Variants in GSE1 observed in about 807,000 individuals in gnomAD.
GSE1 encodes genetic suppressor element 1.
In GSE1, 32 loss-of-function variants were observed where a neutral mutation model predicts 112.6. The observed-to-expected ratio is 0.28, with a 90% CI of 0.21 to 0.38. The LOEUF (loss-of-function observed/expected upper bound fraction) is 0.38, where lower values mean the gene tolerates loss of function less well. Ranked by LOEUF, GSE1 falls within the 10% of genes least tolerant of loss-of-function variation. The pLI is 1.00. For missense variants in GSE1, 2,348 were observed against 1,699.2 expected (o/e 1.38, Z -6.71); for synonymous variants, 1,115 against 735.6 (o/e 1.52, Z -8.35).
At chr16:85,454,018 C>T (rs1441524239) in intron 2 of GSE1, among the ~76,000 whole-genome samples, 1 of 152,184 alleles carries the variant, frequency 6.6e-6, no homozygotes, top group East Asian at 1.9e-4. Context: ...CCCCCGCCCC[C>T]TGCCCCACGG....
chr16:85,358,088 G>C (rs2151573119), intron 2 of GSE1, among the ~76,000 whole-genome samples: 1 of 152,276 alleles, frequency 6.6e-6, no homozygotes, highest in Non-Finnish European at 1.5e-5. Context: ...TCTGTGCGGG[G>C]AGATGGCGCT....
chr16:85,411,394 G>A (rs867854316), intron 2 of GSE1, among the ~76,000 whole-genome samples: 162 of 9,042 alleles, frequency 0.018, 7 homozygotes, highest in Middle Eastern at 0.1. Flanking sequence ...AATCCTCACC[G>A]TTACACTCAG....
chr16:85,368,874 G>T (rs904468702), intron 2 of GSE1, among the ~76,000 whole-genome samples: 1 of 152,122 alleles, frequency 6.6e-6, no homozygotes, highest in Non-Finnish European at 1.5e-5. Flanking sequence ...CCTCCCTAGG[G>T]CATGGACGGC....
chr16:85,379,951 A>G (rs2151618337), intron 2 of GSE1, among the ~76,000 whole-genome samples: 1 of 152,340 alleles, frequency 6.6e-6, no homozygotes, highest in East Asian at 1.9e-4. Flanking sequence ...ACATCTACCA[A>G]GACCCTACCC....
intron 2 of GSE1, among the ~76,000 whole-genome samples, chr16:85,415,490 G>A (rs1044037868): frequency 2.0e-5 from 3 of 152,194 alleles, no homozygotes; most frequent in African/African-American, 7.2e-5. Context: ...CTGGCAAACC[G>A]GGTCCTCACC....
chr16:85,540,777 T>C (rs1164704791), intron 2 of GSE1, among the ~76,000 whole-genome samples: 1 of 152,026 alleles, frequency 6.6e-6, no homozygotes, highest in Non-Finnish European at 1.5e-5. Context: ...TGAAGTGGCA[T>C]GGGCCTGTAG....
At chr16:85,460,513 G>T (rs977509569) in intron 2 of GSE1, among the ~76,000 whole-genome samples, 2 of 152,234 alleles carry the variant, frequency 1.3e-5, no homozygotes, top group African/African-American at 4.8e-5. Context: ...ATGTAAGGTA[G>T]TTCATGTAAA....
intron 2 of GSE1, among the ~76,000 whole-genome samples, chr16:85,380,259 C>T (rs2047516242): frequency 1.3e-5 from 2 of 152,286 alleles, no homozygotes; most frequent in African/African-American, 4.8e-5. Flanking sequence ...GAGGTGGAGG[C>T]TGTGACTTGA....
chr16:85,237,588 C>T (rs1430640123), intron 1 of GSE1, among the ~76,000 whole-genome samples: 1 of 152,010 alleles, frequency 6.6e-6, no homozygotes, highest in African/African-American at 2.4e-5. Flanking sequence ...CCTGTAATCC[C>T]AGCACTTTGG....
At chr16:85,207,229 C>A (rs2075134239) in intron 1 of GSE1, among the ~76,000 whole-genome samples, 1 of 152,242 alleles carries the variant, frequency 6.6e-6, no homozygotes, top group Admixed American at 6.5e-5. Flanking sequence ...AGCAGAACCC[C>A]CACTTGCTCC....
At chr16:85,235,168 G>A (rs1026848596) in intron 1 of GSE1, among the ~76,000 whole-genome samples, 5 of 152,094 alleles carry the variant, frequency 3.3e-5, no homozygotes, top group Admixed American at 3.3e-4. Context: ...AAATAGGGGT[G>A]TCCTTTCTCC....
At chr16:85,386,187 G>T (rs572613050) in intron 2 of GSE1, among the ~76,000 whole-genome samples, 4 of 152,288 alleles carry the variant, frequency 2.6e-5, no homozygotes, top group African/African-American at 9.6e-5. Context: ...CCTGCCCCCT[G>T]TTTGGGCTCA....
At chr16:85,245,727 C>T (rs904761685) in intron 1 of GSE1, among the ~76,000 whole-genome samples, 1 of 152,116 alleles carries the variant, frequency 6.6e-6, no homozygotes, top group Admixed American at 6.5e-5. Context: ...AAAAAGTGTC[C>T]TCTGATTAGA....
At chr16:85,632,445 G>A (rs2049618489) in intron 1 of GSE1, among the ~76,000 whole-genome samples, 1 of 152,192 alleles carries the variant, frequency 6.6e-6, no homozygotes, top group African/African-American at 2.4e-5. Context: ...TCAGGAGAGG[G>A]AGGACTTGGC....
intron 5 of GSE1, among the ~76,000 whole-genome samples, 189 bp from the exon 6 acceptor site, chr16:85,655,537 C>T (rs923358353): frequency 4.6e-5 from 7 of 152,208 alleles, no homozygotes; most frequent in Admixed American, 3.3e-4. Flanking sequence ...CCCAAGCTGT[C>T]GGCACCTAGC....
At chr16:85,341,602 A>G (rs113952732) in intron 1 of GSE1, among the ~76,000 whole-genome samples, 4,871 of 152,202 alleles carry the variant, frequency 0.032, 238 homozygotes, top group African/African-American at 0.11. Flanking sequence ...AGGTGCAGTG[A>G]GCAGAGATCA....
At chr16:85,351,051 C>T (rs1422907310) in intron 1 of GSE1, among the ~76,000 whole-genome samples, 1 of 152,130 alleles carries the variant, frequency 6.6e-6, no homozygotes, top group Non-Finnish European at 1.5e-5. Flanking sequence ...AGGTGCCACT[C>T]TCATTGTACT....
chr16:85,423,400 C>T (rs2048897133), intron 2 of GSE1, among the ~76,000 whole-genome samples: 1 of 152,198 alleles, frequency 6.6e-6, no homozygotes, highest in African/African-American at 2.4e-5. Context: ...CCTGAGATCC[C>T]TGGAGGGCTT....
At chr16:85,343,496 C>G (rs1170117053) in intron 1 of GSE1, among the ~76,000 whole-genome samples, 1 of 152,140 alleles carries the variant, frequency 6.6e-6, no homozygotes, top group Non-Finnish European at 1.5e-5. Context: ...CACCTGTAAT[C>G]CTAGAATTTT....
Sources: gnomAD v4.1 joint callset for allele counts (sites outside exome capture counted in the v4.1 genomes callset) on GRCh38, gnomAD v4.1.1 for gene constraint, MANE v1.5 for transcripts, NCBI Gene and HGNC (gene_info 2026-07-23, HGNC 2026-07-21) for gene names.